USH2A: variants seen among roughly 807,000 people sequenced by gnomAD.
The protein encoded by USH2A is Usher syndrome 2A (autosomal recessive, mild).
USH2A carries 443 observed loss-of-function variants against 538.9 expected under a neutral mutation model. That is an observed-to-expected ratio of 0.82 (90% confidence interval 0.76 to 0.89). USH2A has a LOEUF of 0.89. USH2A is among the 40% of genes least tolerant of loss of function. The pLI is 0.00. For synonymous variants in USH2A, 2,413 were observed against 2,273.5 expected, an observed-to-expected ratio of 1.06 and a Z score of -1.75; for missense variants, 6,633 against 6,324.8, an observed-to-expected ratio of 1.05 and a Z score of -1.65.
intron 13 of USH2A, among the ~76,000 whole-genome samples, chr1:216,234,741 T>A (rs619803): frequency 5.3e-5 from 8 of 152,040 alleles, no homozygotes; most frequent in Non-Finnish European, 8.8e-5. Context: ...AAATTAAGGG[T>A]GATTTTTAGA....
rs1483439932 is a variant in USH2A at position 216,175,358 on chromosome 1, T to C, written c.4521A>G (p.Ser1507=). ...SPIYQLERRE[S]SLPALMTTMM... is the part of the protein sequence containing the mutation. ...TCGTGGTCATCAGAGCTGGTAGAGA[T>C]GACTCTCTCCTTTCCAGCTGATATA... The change falls in exon 21 of 72, where the codon TCA becomes TCG. Residue 1507 remains serine, a synonymous_variant. Coordinates refer to ENST00000307340, the MANE Select transcript of USH2A (RefSeq NM_206933.4). 1.2e-6 allele frequency: 2 copies of C among 1,613,746 alleles called. No homozygotes were observed. Among genetic ancestry groups the C allele is most frequent in the Admixed American group, 1.7e-5 (1 of 59,974 alleles).
In USH2A at chr1:216,093,085, C is replaced by G. The variant is rs138880894; in HGVS notation, c.4759-3946G>C. On this transcript the variant is annotated intron_variant, in intron 22 of 71. Transcript: ENST00000307340. Reference sequence around the variant, plus strand: ...GGTTCAAGCAATTCTCTGCCTCAGTCTCCCGAGTAGCGGGGATTACAGGCA... The same window carrying G: ...GGTTCAAGCAATTCTCTGCCTCAGTGTCCCGAGTAGCGGGGATTACAGGCA... Among the ~76,000 whole-genome samples the G allele has an allele frequency of 9.5e-3, 1,453 of 152,242 alleles. 15 individuals carry two copies. The highest frequency in any genetic ancestry group is 0.033 in the African/African-American group (1,357 of 41,526).
In USH2A at chr1:215,900,837, T is replaced by C; in HGVS notation, c.7369A>G (p.Thr2457Ala). ...TPTSLQVVWS[T>A]PARNNAPGSP... Reference sequence around the variant, plus strand: ...CCAGGAGCGTTATTACGAGCTGGTGTAGACCAGACAACCTGAAGACTGGTT... The same window carrying C: ...CCAGGAGCGTTATTACGAGCTGGTGCAGACCAGACAACCTGAAGACTGGTT... The change falls in exon 39 of 72, where the codon ACA becomes GCA. Residue 2457 changes from threonine to alanine, a missense_variant. Thr to Ala is a moderately conservative substitution (Grantham distance 58, BLOSUM62 0). Transcript: ENST00000307340. The C allele has an allele frequency of 6.2e-7, 1 of 1,613,812 alleles. No individual in the cohort carries two copies. The highest frequency in any genetic ancestry group is 1.7e-5 in the Admixed American group (1 of 59,982).
chr1:216,062,763 A>C (rs750002052), intron 30 of USH2A, among the ~76,000 whole-genome samples: 1 of 152,190 alleles, frequency 6.6e-6, no homozygotes, highest in African/African-American at 2.4e-5. Flanking sequence ...AAAATGAGGA[A>C]GACAACCTAG....
At chr1:216,271,504 C>T (rs1366709751) in intron 11 of USH2A, among the ~76,000 whole-genome samples, 1 of 152,032 alleles carries the variant, frequency 6.6e-6, no homozygotes, top group Non-Finnish European at 1.5e-5. Flanking sequence ...TCTTGATATT[C>T]ATGGCTTTTT....
chr1:216,042,913 C>T (rs956676195), intron 32 of USH2A, among the ~76,000 whole-genome samples: 1 of 151,994 alleles, frequency 6.6e-6, no homozygotes, highest in African/African-American at 2.4e-5. Flanking sequence ...CCATGTGCAC[C>T]TACAGTGAGG....
At chr1:216,374,142 T>G (rs1020241900) in intron 3 of USH2A, among the ~76,000 whole-genome samples, 1 of 147,748 alleles carries the variant, frequency 6.8e-6, no homozygotes, top group Non-Finnish European at 1.5e-5. Flanking sequence ...TTGAGAGATA[T>G]ACCTAATGCT....
rs1164818052 is a variant in USH2A, at chr1:216,385,491, C to A, written c.652-20406G>T. ...GAGAAGACACATAACTGAAGGGACACAGATATAGAATGACAACAAAGGGTG... is the reference window on the plus strand; with the variant it reads ...GAGAAGACACATAACTGAAGGGACAAAGATATAGAATGACAACAAAGGGTG... On this transcript the variant is annotated intron_variant, in intron 3 of 71. Coordinates refer to ENST00000307340, the MANE Select transcript of USH2A (RefSeq NM_206933.4). Among the ~76,000 whole-genome samples, 4 of 152,168 alleles carry A rather than the reference C, an allele frequency of 2.6e-5. No homozygotes were observed. In the East Asian group the frequency reaches 7.8e-4, roughly 30 times the overall value.
chr1:216,166,501 C>T (rs958958048), intron 21 of USH2A, among the ~76,000 whole-genome samples: 7 of 152,116 alleles, frequency 4.6e-5, no homozygotes, highest in African/African-American at 1.7e-4. Flanking sequence ...GTTTGAAGAA[C>T]AGCCTGGAGA....
chr1:215,870,647 T>C (rs1484027974), intron 43 of USH2A, among the ~76,000 whole-genome samples: 1 of 152,006 alleles, frequency 6.6e-6, no homozygotes, highest in East Asian at 1.9e-4. Context: ...ACTGTTTTCA[T>C]TTCATCTGAA....
At chr1:216,147,317 T>C (rs2033728458) in intron 21 of USH2A, among the ~76,000 whole-genome samples, 1 of 152,106 alleles carries the variant, frequency 6.6e-6, no homozygotes, top group Admixed American at 6.5e-5. Context: ...TCCTCACACC[T>C]GGTCCGGCTT....
In USH2A at chr1:215,702,252, T is replaced by C. The variant is rs61234820; in HGVS notation, c.12067-21876A>G. 2.8e-3 allele frequency among the ~76,000 whole-genome samples: 430 copies of C among 152,058 alleles called. 2 individuals are homozygous for C. Among genetic ancestry groups the C allele is most frequent in the African/African-American group, 7.7e-3 (320 of 41,344 alleles). ...CCTTTGTCTCTGGCTGCCCTTAACA[T>C]TTTTTTCATCATTTCAACTTTGGTG... On this transcript the variant is annotated intron_variant, in intron 61 of 71. Coordinates refer to ENST00000307340, the MANE Select transcript of USH2A (RefSeq NM_206933.4).
chr1:216,142,192 A>G (rs888585089), intron 21 of USH2A, among the ~76,000 whole-genome samples: 1 of 152,212 alleles, frequency 6.6e-6, no homozygotes, highest in Non-Finnish European at 1.5e-5. Flanking sequence ...TATGAAATTC[A>G]TAAAAGATGA....
At chr1:215,764,551 G>A (rs1661073090) in intron 56 of USH2A, among the ~76,000 whole-genome samples, 1 of 152,252 alleles carries the variant, frequency 6.6e-6, no homozygotes, top group South Asian at 2.1e-4. Context: ...AGGTTGTAAT[G>A]TACATTGACT....
At chr1:215,902,882 T>C (rs1012901299) in intron 38 of USH2A, among the ~76,000 whole-genome samples, 1 of 152,018 alleles carries the variant, frequency 6.6e-6, no homozygotes, top group African/African-American at 2.4e-5. Flanking sequence ...GGAAAAGTCT[T>C]CATAGGAGTT....
At chr1:215,924,989 T>G (rs1273195340) in intron 38 of USH2A, among the ~76,000 whole-genome samples, 1 of 152,072 alleles carries the variant, frequency 6.6e-6, no homozygotes, top group African/African-American at 2.4e-5. Flanking sequence ...GTTAGTCTTT[T>G]TCTAAGGTGT....
At chr1:216,415,231 A>T (rs11117570) in intron 3 of USH2A, among the ~76,000 whole-genome samples, 46,142 of 151,840 alleles carry the variant, frequency 0.3, 8,294 homozygotes, top group East Asian at 0.41. Flanking sequence ...TTTATGAAGA[A>T]TTCAAAAGGC....
chr1:215,672,447 T>C (rs1657848866), intron 63 of USH2A, among the ~76,000 whole-genome samples: 1 of 152,126 alleles, frequency 6.6e-6, no homozygotes, highest in Non-Finnish European at 1.5e-5. Context: ...TCTCCTCTCA[T>C]GCCGATCTCC....
At chr1:215,846,054 A>T in intron 44 of USH2A, 21 bp from the exon 45 acceptor site, 1 of 1,611,010 alleles carries the variant, frequency 6.2e-7, no homozygotes, top group Non-Finnish European at 8.5e-7. Context: ...TAAATGCAGG[A>T]CATGGTGAAT....
Sources: gnomAD v4.1 joint callset for allele counts (sites outside exome capture counted in the v4.1 genomes callset) on GRCh38, gnomAD v4.1.1 for gene constraint, MANE v1.5 for transcripts, NCBI Gene and HGNC (gene_info 2026-07-23, HGNC 2026-07-21) for gene names.